CADM1: variants seen among roughly 807,000 people sequenced by gnomAD.
CADM1 encodes TSLC-1.
CADM1 carries 15 observed loss-of-function variants against 53.1 expected under a neutral mutation model. The observed-to-expected ratio is 0.28, with a 90% CI of 0.19 to 0.44. CADM1 has a LOEUF of 0.44. Among genes scored for constraint, CADM1 ranks in the 20% least tolerant of loss-of-function variants. The pLI, the probability that CADM1 is intolerant of heterozygous loss-of-function variation, is 1.00. For missense variants in CADM1, 434 were observed against 611.3 expected (o/e 0.71, Z 3.06); for synonymous variants, 281 against 243.0 (o/e 1.16, Z -1.45).
At chr11:115,275,120 C>T (rs370785384) in intron 1 of CADM1, among the ~76,000 whole-genome samples, 32 of 152,222 alleles carry the variant, frequency 2.1e-4, no homozygotes, top group East Asian at 1.2e-3. Flanking sequence ...CCCCACATTG[C>T]GCCACTGCCC....
chr11:115,487,095 C>T (rs1949390472), intron 1 of CADM1, among the ~76,000 whole-genome samples: 1 of 152,226 alleles, frequency 6.6e-6, no homozygotes, highest in Non-Finnish European at 1.5e-5. Context: ...AACCAGGCTT[C>T]ATTTGCTCCA....
At chr11:115,453,651 A>C (rs1018887055) in intron 1 of CADM1, among the ~76,000 whole-genome samples, 2 of 152,078 alleles carry the variant, frequency 1.3e-5, no homozygotes, top group African/African-American at 2.4e-5. Flanking sequence ...GGCATGCCCC[A>C]ACACACCCAG....
At position 115,275,253 on chromosome 11, in the gene CADM1, T is replaced by C. The variant is rs1282638006; in HGVS notation, c.125-34833A>G. ...CCCATGTCCTCCTCTCGCCCACGTC[T>C]TTCTCACCCCTTGGCTGCCCAATCA... On this transcript the variant is annotated intron_variant, in intron 1 of 11. Coordinates refer to ENST00000331581, the MANE Select transcript of CADM1 (RefSeq NM_001301043.2). 2.0e-5 allele frequency among the ~76,000 whole-genome samples: 3 copies of C among 152,122 alleles called. No homozygotes were observed. In the East Asian group the frequency reaches 5.8e-4, roughly 29 times the overall value.
At chr11:115,442,630 C>T (rs182298244) in intron 1 of CADM1, among the ~76,000 whole-genome samples, 1 of 152,166 alleles carries the variant, frequency 6.6e-6, no homozygotes, top group Non-Finnish European at 1.5e-5. Flanking sequence ...CCTATCACTC[C>T]TGGGAAAGAA....
intron 1 of CADM1, among the ~76,000 whole-genome samples, chr11:115,471,156 T>A (rs2135391324): frequency 6.6e-6 from 1 of 152,238 alleles, no homozygotes; most frequent in African/African-American, 2.4e-5. Context: ...ACAGTTAAAT[T>A]TTTTTTTCTC....
chr11:115,238,578 T>G lies in CADM1; in HGVS notation c.346A>C (p.Ile116Leu), dbSNP rs1011065854. The G allele has an allele frequency of 1.6e-5, 26 of 1,613,776 alleles. No individual in the cohort carries two copies. Among genetic ancestry groups the G allele is most frequent in the Non-Finnish European group, 2.2e-5 (26 of 1,179,882 alleles). ...ELKVSLTNVS[I>L]SDEGRYFCQL... ...CAAAAGTATCTTCCTTCATCAGAAA[T>G]TGAGACGTTTGTCAATGATACTTTG... The change falls in exon 3 of 12, where the codon ATT becomes CTT. Residue 116 changes from isoleucine to leucine, a missense_variant. This residue lies in a region of CADM1 where 311 missense variants were observed against 435.1 expected (regional missense o/e 0.71). Coordinates refer to ENST00000331581, the MANE Select transcript of CADM1 (RefSeq NM_001301043.2).
At position 115,175,928 on chromosome 11, in the gene CADM1, A is replaced by G. The variant is rs1480737581; in HGVS notation, c.*546T>C. 9.9e-7 allele frequency: 1 copy of G among 1,010,610 alleles called. No individual in the cohort carries two copies. The highest frequency in any genetic ancestry group is 1.2e-6 in the Non-Finnish European group (1 of 845,082). The allele number at this position is 1,010,610 out of a possible 1,614,324, so 62.6% of individuals were successfully genotyped here. A position where few individuals can be genotyped will look rare whatever the true frequency, so the allele number is the denominator to read the frequency against. On this transcript the variant is annotated 3_prime_UTR_variant, in exon 12 of 12. Coordinates refer to ENST00000331581, the MANE Select transcript of CADM1 (RefSeq NM_001301043.2). ...TGCATTATGGATACACTAAATTCTG[A>G]ACTATGAAATCTAAGCTGTGCTGGT...
chr11:115,197,483 T>C (rs962213252), intron 9 of CADM1, among the ~76,000 whole-genome samples: 8 of 152,150 alleles, frequency 5.3e-5, no homozygotes, highest in Non-Finnish European at 7.3e-5. Flanking sequence ...CAGGGCTAGA[T>C]TTGAGCTAAG....
intron 1 of CADM1, among the ~76,000 whole-genome samples, chr11:115,468,022 G>A (rs763185028): frequency 6.6e-6 from 1 of 152,026 alleles, no homozygotes; most frequent in Non-Finnish European, 1.5e-5. Context: ...TCATAACCAG[G>A]TGCTACACTC....
intron 1 of CADM1, among the ~76,000 whole-genome samples, chr11:115,416,698 T>TACAC (rs34112529): frequency 0.12 from 17,655 of 141,344 alleles, 1,106 homozygotes; most frequent in Middle Eastern, 0.18. Context: ...AAGGATTAAA[T>TACAC]ACACACACAC....
At chr11:115,460,864 T>C (rs149977432) in intron 1 of CADM1, among the ~76,000 whole-genome samples, 33 of 152,292 alleles carry the variant, frequency 2.2e-4, no homozygotes, top group African/African-American at 7.7e-4. Flanking sequence ...CTGAAATCCA[T>C]ATACAGCCAC....
intron 10 of CADM1, among the ~76,000 whole-genome samples, chr11:115,188,453 A>T (rs1348767726): frequency 1.3e-5 from 2 of 152,210 alleles, no homozygotes; most frequent in African/African-American, 4.8e-5. Context: ...CTGGGTGAGA[A>T]TGGAGCACCA....
At chr11:115,232,297 A>G (rs2134864247) in intron 3 of CADM1, among the ~76,000 whole-genome samples, 1 of 152,370 alleles carries the variant, frequency 6.6e-6, no homozygotes, top group East Asian at 1.9e-4. Context: ...TAAAATGCAC[A>G]GAAAAATTGT....
intron 1 of CADM1, among the ~76,000 whole-genome samples, chr11:115,486,446 G>A (rs1463604167): frequency 6.6e-6 from 1 of 151,966 alleles, no homozygotes; most frequent in East Asian, 1.9e-4. Context: ...CATCTCCCAG[G>A]TTCAAGCAAT....
At chr11:115,301,041 T>C (rs1394388949) in intron 1 of CADM1, among the ~76,000 whole-genome samples, 1 of 152,028 alleles carries the variant, frequency 6.6e-6, no homozygotes, top group Admixed American at 6.6e-5. Flanking sequence ...GTTTCTCTTG[T>C]ACTTCAGGGG....
chr11:115,176,455 T>A lies in CADM1; in HGVS notation c.*19A>T. 1 of 1,613,370 alleles carries A rather than the reference T, an allele frequency of 6.2e-7. No individual in the cohort carries two copies. The highest frequency in any genetic ancestry group is 8.5e-7 in the Non-Finnish European group (1 of 1,179,470). ...TAAATAGGGCCAGTTGGACACCTCA[T>A]TGAAACAAAAAGGCTGATCTAGATG... is the stretch of plus-strand genomic sequence containing the variant. On this transcript the variant is annotated 3_prime_UTR_variant, in exon 12 of 12. Coordinates refer to ENST00000331581, the MANE Select transcript of CADM1 (RefSeq NM_001301043.2).
intron 1 of CADM1, among the ~76,000 whole-genome samples, chr11:115,449,184 G>A (rs1449217761): frequency 6.6e-6 from 1 of 152,188 alleles, no homozygotes; most frequent in Non-Finnish European, 1.5e-5. Flanking sequence ...AAGTTGGAAT[G>A]GAACCTGCCA....
intron 1 of CADM1, among the ~76,000 whole-genome samples, chr11:115,331,164 G>A (rs45543336): frequency 6.6e-6 from 1 of 151,920 alleles, no homozygotes; most frequent in African/African-American, 2.4e-5. Flanking sequence ...TGGTTTTTTT[G>A]AGACAATTTC....
chr11:115,177,249 G>A (rs1331070716), intron 11 of CADM1, among the ~76,000 whole-genome samples: 2 of 152,158 alleles, frequency 1.3e-5, no homozygotes, highest in African/African-American at 4.8e-5. Context: ...CTCTCTCATC[G>A]TATAACTCTA....
Sources: allele counts gnomAD v4.1 joint callset (sites outside exome capture counted in the v4.1 genomes callset), GRCh38; gene constraint gnomAD v4.1.1; regional missense constraint gnomAD v4.1.1; transcripts MANE v1.5; gene names NCBI Gene and HGNC (gene_info 2026-07-23, HGNC 2026-07-21).